Variants in AASS observed in about 807,000 individuals in gnomAD.
The protein encoded by AASS is aminoadipate-semialdehyde synthase.
A neutral mutation model predicts 105.4 loss-of-function variants in AASS; 86 were observed. The ratio of observed to expected loss-of-function variants is 0.82; its 90% confidence interval spans 0.69 to 0.98. AASS has a LOEUF of 0.98. Ranked by LOEUF, AASS falls within the 50% of genes least tolerant of loss-of-function variation. The pLI is 0.00. For synonymous variants in AASS, 381 were observed against 394.8 expected, an observed-to-expected ratio of 0.96 and a Z score of 0.41; for missense variants, 1,048 against 1,143.2, an observed-to-expected ratio of 0.92 and a Z score of 1.20.
intron 1 of AASS, among the ~76,000 whole-genome samples, 168 bp downstream of exon 1, chr7:122,143,993 T>TCTCTCGGCCCGGCCGGGGTCGC (rs1796520381): frequency 6.6e-6 from 1 of 152,092 alleles, no homozygotes; most frequent in African/African-American, 2.4e-5. Flanking sequence ...GCCTTCTCCC[T>TCTCTCGGCCCGGCCGGGGTCGC]CTCTCGGCCC....
chr7:122,113,334 T>C, intron 10 of AASS, 105 bp from the exon 11 acceptor site: 2 of 1,162,892 alleles, frequency 1.7e-6, no homozygotes, highest in Non-Finnish European at 2.5e-6. Flanking sequence ...TCATTTGTAA[T>C]TTTGTATAAA....
intron 9 of AASS, among the ~76,000 whole-genome samples, chr7:122,114,248 C>T (rs898789641): frequency 1.3e-5 from 2 of 152,172 alleles, no homozygotes; most frequent in African/African-American, 4.8e-5. Context: ...CCTAAATATG[C>T]TTTGGTAGCT....
At chr7:122,097,480 G>T (rs1251740902) in intron 15 of AASS, among the ~76,000 whole-genome samples, 1 of 151,960 alleles carries the variant, frequency 6.6e-6, no homozygotes, top group African/African-American at 2.4e-5. Context: ...TAGGTAATAA[G>T]CATAGTACCC....
At chr7:122,086,558 A>G (rs1562907078) in intron 18 of AASS, among the ~76,000 whole-genome samples, 2 of 151,388 alleles carry the variant, frequency 1.3e-5, no homozygotes, top group Non-Finnish European at 3.0e-5. Flanking sequence ...TTTATTTTCT[A>G]AATATTTAAA....
rs760934071 is a variant in AASS at position 122,091,651 on chromosome 7, C to T, written c.2016+52G>A. ...TGGGATCAGGGAGTATTTAGACTGT[C>T]TCAGGCTGTTATTGCAGGTTGATAT... is the stretch of plus-strand genomic sequence containing the variant. On this transcript the variant is annotated intron_variant, in intron 18 of 23. Transcript: ENST00000417368. 6.9e-5 allele frequency: 111 copies of T among 1,612,190 alleles called. 1 individual carries two copies. The highest frequency in any genetic ancestry group is 9.1e-5 in the Non-Finnish European group (107 of 1,178,990).
intron 1 of AASS, among the ~76,000 whole-genome samples, chr7:122,143,349 C>T (rs1472931744): frequency 1.3e-5 from 2 of 151,330 alleles, no homozygotes; most frequent in East Asian, 2.0e-4. Context: ...CTCTTCCGCT[C>T]CCCCCACCCC....
intron 2 of AASS, among the ~76,000 whole-genome samples, 164 bp downstream of exon 2, chr7:122,133,353 C>A (rs957049455): frequency 2.6e-5 from 4 of 152,194 alleles, no homozygotes; most frequent in African/African-American, 4.8e-5. Flanking sequence ...AAAGTAAGTT[C>A]TTTTATTCCT....
In AASS at chr7:122,128,351, G is replaced by A. The variant is rs137969916; in HGVS notation, c.387+1010C>T. Among the ~76,000 whole-genome samples, 1,160 of 152,158 alleles carry A rather than the reference G, an allele frequency of 7.6e-3. 8 individuals carry two copies. Among genetic ancestry groups the A allele is most frequent in the Non-Finnish European group, 0.011 (765 of 68,010 alleles). On this transcript the variant is annotated intron_variant, in intron 3 of 23. Transcript: ENST00000417368. ...GTACTCTAACCCCACACTCAATCTC[G>A]AATCTGTCTGCTTAAAAGACTCATT...
At chr7:122,081,133 C>T (rs1318027099) in intron 20 of AASS, among the ~76,000 whole-genome samples, 2 of 152,156 alleles carry the variant, frequency 1.3e-5, no homozygotes, top group African/African-American at 4.8e-5. Flanking sequence ...TTCTGTAATA[C>T]ACTAGTAACT....
intron 11 of AASS, among the ~76,000 whole-genome samples, chr7:122,106,432 AAGC>A (rs1794666616): frequency 6.6e-6 from 1 of 152,076 alleles, no homozygotes; most frequent in Non-Finnish European, 1.5e-5. Flanking sequence ...AACCAAAAAG[AAGC>A]AGAATAGCCA....
intron 18 of AASS, among the ~76,000 whole-genome samples, chr7:122,086,542 A>T (rs970484443): frequency 2.0e-5 from 3 of 151,428 alleles, no homozygotes; most frequent in African/African-American, 4.8e-5. Context: ...TTTAATTTTT[A>T]AAAAATTTAT....
intron 18 of AASS, among the ~76,000 whole-genome samples, chr7:122,090,811 A>C (rs1157893323): frequency 6.6e-6 from 1 of 151,922 alleles, no homozygotes; most frequent in South Asian, 2.1e-4. Context: ...TAACTCCCTA[A>C]ACCTGATTTT....
intron 3 of AASS, among the ~76,000 whole-genome samples, chr7:122,126,661 G>GA (rs1795670843): frequency 6.6e-6 from 1 of 152,028 alleles, no homozygotes; most frequent in Non-Finnish European, 1.5e-5. Context: ...AATTAGAAAT[G>GA]AAAAAATGTT....
intron 11 of AASS, among the ~76,000 whole-genome samples, chr7:122,102,242 C>T (rs1794465847): frequency 6.6e-6 from 1 of 151,938 alleles, no homozygotes; most frequent in African/African-American, 2.4e-5. Flanking sequence ...TTCACACCCT[C>T]TTCACATTAT....
At position 122,075,070 on chromosome 7, in the gene AASS, T is replaced by C. The variant is rs1169203565; in HGVS notation, c.*1419A>G. On this transcript the variant is annotated 3_prime_UTR_variant, in exon 24 of 24. Coordinates refer to ENST00000417368, the MANE Select transcript of AASS (RefSeq NM_005763.4). ...TTTTGTTTGTTTGTTTTTGTAGAGA[T>C]GGGATCTCACTGTTTCCCAGGCTGG... 6.6e-6 allele frequency among the ~76,000 whole-genome samples: 1 copy of C among 152,124 alleles called. No individual in the cohort carries two copies. Among genetic ancestry groups the C allele is most frequent in the East Asian group, 1.9e-4 (1 of 5,184 alleles).
At chr7:122,109,232 C>G (rs1189029791) in intron 11 of AASS, among the ~76,000 whole-genome samples, 2 of 134,282 alleles carry the variant, frequency 1.5e-5, no homozygotes, top group African/African-American at 5.9e-5. Context: ...AAGCAATCTA[C>G]CAATTCAGGG....
At chr7:122,116,564 T>C in intron 8 of AASS, 69 bp downstream of exon 8, 1 of 1,595,872 alleles carries the variant, frequency 6.3e-7, no homozygotes, top group Admixed American at 1.7e-5. Flanking sequence ...TCATAATTTC[T>C]CTCCTTGAAA....
Position 122,133,596 on chromosome 7 carries a change from G to C in AASS, c.131C>G (p.Pro44Arg). 1 of 1,614,058 alleles carries C rather than the reference G, an allele frequency of 6.2e-7. No individual in the cohort carries two copies. The highest frequency in any genetic ancestry group is 8.5e-7 in the Non-Finnish European group (1 of 1,180,004). Residue 44 changes from proline (P) to arginine (R), a missense_variant, in exon 2 of 24, where the codon CCC (proline) becomes CGC (arginine). Coordinates refer to ENST00000417368, the MANE Select transcript of AASS (RefSeq NM_005763.4). ...ATTGGTGATGCCTTTGATGTGCTTG[G>C]GAGCTAGCGGGGCCCTTCTCTCCCA... ...NAWERRAPLA[P>R]KHIKGITNLG...
rs923318523 is a variant in AASS, at chr7:122,074,256, A to G, written c.*2233T>C. On this transcript the variant is annotated 3_prime_UTR_variant, in exon 24 of 24. Coordinates refer to ENST00000417368, the MANE Select transcript of AASS (RefSeq NM_005763.4). The stretch of plus-strand genomic sequence containing the variant: ...ATGTTGAGAACCTTTTCATGTGCTT[A>G]TTGGCCTTTTGTGTATCTTCTTTGG... 2.0e-5 allele frequency among the ~76,000 whole-genome samples: 3 copies of G among 152,058 alleles called. No individual in the cohort carries two copies. The highest frequency in any genetic ancestry group is 7.2e-5 in the African/African-American group (3 of 41,420).
Sources: allele counts gnomAD v4.1 joint callset (sites outside exome capture counted in the v4.1 genomes callset), GRCh38; gene constraint gnomAD v4.1.1; transcripts MANE v1.5; gene names NCBI Gene and HGNC (gene_info 2026-07-23, HGNC 2026-07-21).